ERBB4: variants seen among roughly 807,000 people sequenced by gnomAD.
ERBB4 encodes erb-b2 receptor tyrosine kinase 4.
ERBB4 carries 42 observed loss-of-function variants against 158.0 expected under a neutral mutation model. The ratio of observed to expected loss-of-function variants is 0.27; its 90% CI spans 0.21 to 0.34. The LOEUF is 0.34. Among genes scored for constraint, ERBB4 ranks in the 10% least tolerant of loss-of-function variants. The probability of loss-of-function intolerance (pLI) is 1.00; values close to 1 mark genes in which losing one functional copy is unlikely to be tolerated. For missense variants in ERBB4, 1,333 were observed against 1,624.1 expected (o/e 0.82, Z 3.08); for synonymous variants, 583 against 558.7 (o/e 1.04, Z -0.61).
chr2:211,723,217 C>T (rs1384358557), intron 6 of ERBB4, among the ~76,000 whole-genome samples: 3 of 152,020 alleles, frequency 2.0e-5, no homozygotes, highest in Non-Finnish European at 4.4e-5. Flanking sequence ...TATTTATATT[C>T]ATAACTCAAT....
intron 1 of ERBB4, among the ~76,000 whole-genome samples, chr2:212,319,549 A>G (rs942717180): frequency 6.6e-6 from 1 of 150,622 alleles, no homozygotes; most frequent in Non-Finnish European, 1.5e-5. Context: ...AATCCATGTA[A>G]GATTGAATCT....
At position 211,524,366 on chromosome 2, in the gene ERBB4, G is replaced by A. The variant is rs574631690; in HGVS notation, c.2487+37537C>T. On this transcript the variant is annotated intron_variant, in intron 20 of 27. Coordinates refer to ENST00000342788, the MANE Select transcript of ERBB4 (RefSeq NM_005235.3). The stretch of plus-strand genomic sequence containing the variant: ...AGGTGGAGCTGCCTGCCAGTCCCAC[G>A]CCATGCGCCCACACTCCTCAGCCCT... 9.6e-3 allele frequency among the ~76,000 whole-genome samples: 1,456 copies of A among 152,160 alleles called. 26 individuals are homozygous for A. Among genetic ancestry groups the A allele is most frequent in the African/African-American group, 0.033 (1,377 of 41,482 alleles).
At chr2:211,664,973 A>G (rs2071572386) in intron 15 of ERBB4, among the ~76,000 whole-genome samples, 1 of 152,218 alleles carries the variant, frequency 6.6e-6, no homozygotes, top group African/African-American at 2.4e-5. Context: ...AAGATTTGAT[A>G]AACACAAACC....
intron 19 of ERBB4, among the ~76,000 whole-genome samples, chr2:211,582,323 C>G (rs911740331): frequency 1.4e-4 from 22 of 152,238 alleles, no homozygotes; most frequent in African/African-American, 5.3e-4. Flanking sequence ...TTCTACTTAT[C>G]TGTTCTACTG....
In ERBB4 at chr2:211,582,177, A is replaced by G. The variant is rs1290182309; in HGVS notation, c.2302-20089T>C. 3.3e-5 allele frequency among the ~76,000 whole-genome samples: 5 copies of G among 152,250 alleles called. No homozygotes were observed. In the South Asian group the frequency reaches 1.0e-3, roughly 31 times the overall value. ...GCATTCAATGGTCAATGGTAATTTC[A>G]ATAATGTCTCAGTTCTTTATAGACA... On this transcript the variant is annotated intron_variant, in intron 19 of 27. Transcript: ENST00000342788.
chr2:212,286,886 C>T (rs911242502), intron 1 of ERBB4, among the ~76,000 whole-genome samples: 6 of 148,578 alleles, frequency 4.0e-5, no homozygotes, highest in African/African-American at 1.2e-4. Context: ...ACTGGGATTA[C>T]GGGCGTGAGC....
chr2:211,597,555 C>A (rs1055913274), intron 19 of ERBB4, among the ~76,000 whole-genome samples: 4 of 151,986 alleles, frequency 2.6e-5, no homozygotes, highest in African/African-American at 7.2e-5. Flanking sequence ...TGTAATATAA[C>A]AAATTGTTAA....
intron 1 of ERBB4, among the ~76,000 whole-genome samples, chr2:212,387,208 T>C (rs1168120376): frequency 6.6e-6 from 1 of 152,104 alleles, no homozygotes; most frequent in Non-Finnish European, 1.5e-5. Context: ...TGGAACATGA[T>C]AATATCTTAT....
chr2:212,157,722 C>A (rs1464239426), intron 1 of ERBB4, among the ~76,000 whole-genome samples: 1 of 151,948 alleles, frequency 6.6e-6, no homozygotes, highest in Non-Finnish European at 1.5e-5. Flanking sequence ...AGAATAAATC[C>A]ACATGTATAG....
intron 3 of ERBB4, among the ~76,000 whole-genome samples, chr2:211,843,213 G>A (rs1450626443): frequency 6.6e-6 from 1 of 151,854 alleles, no homozygotes; most frequent in African/African-American, 2.4e-5. Context: ...TTTCCTTTTT[G>A]ACTTTCACTA....
intron 14 of ERBB4, among the ~76,000 whole-genome samples, chr2:211,665,685 C>A (rs754929013): frequency 1.3e-5 from 2 of 152,242 alleles, no homozygotes; most frequent in South Asian, 2.1e-4. Context: ...GTTTTGATAT[C>A]CTGTATGTGT....
At position 211,856,896 on chromosome 2, in the gene ERBB4, A is replaced by G. The variant is rs2077879817; in HGVS notation, c.422-68737T>C. On this transcript the variant is annotated intron_variant, in intron 3 of 27. Transcript: ENST00000342788. ...AAAGTAGAAGAAATAATGTAGGAGT[A>G]CTTTTGGTGTTGTACAATCAACAGA... Among the ~76,000 whole-genome samples, 2 of 152,198 alleles carry G rather than the reference A, an allele frequency of 1.3e-5. 1 individual carries two copies. The highest frequency in any genetic ancestry group is 4.1e-4 in the South Asian group (2 of 4,834).
chr2:211,925,023 G>T (rs1487088352), intron 3 of ERBB4, among the ~76,000 whole-genome samples: 2 of 152,098 alleles, frequency 1.3e-5, no homozygotes, highest in Admixed American at 6.5e-5. Flanking sequence ...AATGACTGCT[G>T]AATAATAGAA....
chr2:212,365,006 G>A (rs541896372), intron 1 of ERBB4, among the ~76,000 whole-genome samples: 1 of 150,994 alleles, frequency 6.6e-6, no homozygotes, highest in Admixed American at 6.6e-5. Context: ...TTATAAAATA[G>A]ACAAAATATT....
intron 4 of ERBB4, among the ~76,000 whole-genome samples, chr2:211,781,708 A>G (rs1406413096): frequency 2.0e-5 from 3 of 152,200 alleles, no homozygotes; most frequent in Non-Finnish European, 4.4e-5. Flanking sequence ...TTCTTTTGTC[A>G]TAAGAAATCA....
intron 3 of ERBB4, among the ~76,000 whole-genome samples, chr2:211,910,581 G>A (rs1443195065): frequency 6.6e-6 from 1 of 151,874 alleles, no homozygotes. Flanking sequence ...TTGCAGGGTG[G>A]AGGGTGGGAA....
intron 12 of ERBB4, among the ~76,000 whole-genome samples, chr2:211,693,131 G>C (rs1282657948): frequency 6.6e-6 from 1 of 152,102 alleles, no homozygotes; most frequent in Non-Finnish European, 1.5e-5. Flanking sequence ...AGGAGGAGGT[G>C]AGAGGCAGTA....
At chr2:211,395,070 A>G (rs1474288802) in intron 25 of ERBB4, among the ~76,000 whole-genome samples, 1 of 152,146 alleles carries the variant, frequency 6.6e-6, no homozygotes, top group Non-Finnish European at 1.5e-5. Context: ...GTTATTAAAT[A>G]TTGTAAAATG....
chr2:211,740,622 C>CTTCTT (rs2074757752), intron 5 of ERBB4, among the ~76,000 whole-genome samples: 1 of 90,174 alleles, frequency 1.1e-5, no homozygotes, highest in Admixed American at 1.4e-4. Flanking sequence ...TTTTCTTTGT[C>CTTCTT]TTTTTTTTTT....
Sources: allele counts gnomAD v4.1 joint callset (sites outside exome capture counted in the v4.1 genomes callset), GRCh38; gene constraint gnomAD v4.1.1; transcripts MANE v1.5; gene names NCBI Gene and HGNC (gene_info 2026-07-23, HGNC 2026-07-21).